NLGN1: variants seen among roughly 807,000 people sequenced by gnomAD.
NLGN1 encodes neuroligin 1.
A neutral mutation model predicts 65.5 loss-of-function variants in NLGN1; 12 were observed. That is an observed-to-expected ratio of 0.18 (90% CI 0.12 to 0.30). The LOEUF is 0.30. Ranked by LOEUF, NLGN1 falls within the 10% of genes least tolerant of loss-of-function variation. The pLI is 1.00. For missense variants in NLGN1, 750 were observed against 1,007.1 expected, an observed-to-expected ratio of 0.74 and a Z score of 3.46; for synonymous variants, 350 against 359.5, an observed-to-expected ratio of 0.97 and a Z score of 0.30.
At chr3:173,713,223 G>A (rs1302618681) in intron 3 of NLGN1, among the ~76,000 whole-genome samples, 1 of 152,076 alleles carries the variant, frequency 6.6e-6, no homozygotes, top group Non-Finnish European at 1.5e-5. Context: ...TGTGAAGTAA[G>A]AATAAAGAAA....
At chr3:173,610,354 T>C (rs1220217892) in intron 3 of NLGN1, among the ~76,000 whole-genome samples, 2 of 151,904 alleles carry the variant, frequency 1.3e-5, no homozygotes, top group Non-Finnish European at 2.9e-5. Context: ...CATGTTTAAT[T>C]TGAGGTGACC....
At chr3:174,229,551 C>T (rs1414238061) in intron 4 of NLGN1, among the ~76,000 whole-genome samples, 3 of 152,036 alleles carry the variant, frequency 2.0e-5, no homozygotes, top group Non-Finnish European at 4.4e-5. Flanking sequence ...TTAATTTGAA[C>T]ATTGTATGCT....
At chr3:174,240,240 C>T (rs1742532548) in intron 4 of NLGN1, among the ~76,000 whole-genome samples, 6 of 151,778 alleles carry the variant, frequency 4.0e-5, no homozygotes, top group Admixed American at 3.9e-4. Flanking sequence ...AAAAAGTTCT[C>T]TTGTAATATA....
At chr3:174,194,848 TTTTTTTC>T (rs1242633897) in intron 4 of NLGN1, among the ~76,000 whole-genome samples, 1 of 137,170 alleles carries the variant, frequency 7.3e-6, no homozygotes, top group Non-Finnish European at 1.6e-5. Flanking sequence ...ATTCAAGATT[TTTTTTTC>T]TTTTTTCTTT....
chr3:174,203,417 A>G (rs954835070), intron 4 of NLGN1, among the ~76,000 whole-genome samples: 3 of 152,172 alleles, frequency 2.0e-5, no homozygotes, highest in African/African-American at 4.8e-5. Flanking sequence ...CCCGTGGTAC[A>G]TTTGTTCTTG....
intron 4 of NLGN1, among the ~76,000 whole-genome samples, chr3:174,011,111 G>C (rs1386666524): frequency 6.6e-6 from 1 of 152,088 alleles, no homozygotes. Context: ...AAAGGTAACT[G>C]TTTCATATCA....
Position 174,001,594 on chromosome 3 carries a change from G to C in NLGN1, c.646+193762G>C, listed in dbSNP as rs77890907. ...CCTGAGTCAAAAGCAGACATATATT[G>C]GTTTATATTCTGCACCCATGCATCT... On this transcript the variant is annotated intron_variant, in intron 4 of 6. Coordinates refer to ENST00000457714, the Ensembl canonical transcript of NLGN1. 6.6e-3 allele frequency among the ~76,000 whole-genome samples: 998 copies of C among 152,190 alleles called. 10 individuals carry two copies. Among genetic ancestry groups the C allele is most frequent in the African/African-American group, 0.023 (957 of 41,518 alleles).
At chr3:173,647,938 G>A (rs1758536056) in intron 3 of NLGN1, among the ~76,000 whole-genome samples, 1 of 152,060 alleles carries the variant, frequency 6.6e-6, no homozygotes, top group African/African-American at 2.4e-5. Flanking sequence ...TTGAACAAAA[G>A]AGGCACTATT....
chr3:174,114,688 A>G (rs143550565), intron 4 of NLGN1, among the ~76,000 whole-genome samples: 55 of 152,244 alleles, frequency 3.6e-4, no homozygotes, highest in African/African-American at 1.2e-3. Context: ...TATTTTATCT[A>G]ACGCTGCATA....
intron 4 of NLGN1, among the ~76,000 whole-genome samples, chr3:174,261,608 A>G (rs1746923919): frequency 7.5e-6 from 1 of 132,830 alleles, no homozygotes; most frequent in Non-Finnish European, 1.6e-5. Context: ...GGTTTTCTAG[A>G]TATACAATCA....
intron 4 of NLGN1, among the ~76,000 whole-genome samples, chr3:174,212,332 C>T (rs1244585896): frequency 6.6e-6 from 1 of 152,206 alleles, no homozygotes; most frequent in Non-Finnish European, 1.5e-5. Flanking sequence ...GTGCGCAGCC[C>T]GGGTTCCCGC....
chr3:173,745,100 G>A (rs1775174216), intron 3 of NLGN1, among the ~76,000 whole-genome samples: 1 of 152,080 alleles, frequency 6.6e-6, no homozygotes, highest in Non-Finnish European at 1.5e-5. Flanking sequence ...TGGCAAACAA[G>A]CACAATGGCA....
intron 2 of NLGN1, among the ~76,000 whole-genome samples, chr3:173,541,102 A>G: frequency 6.6e-6 from 1 of 152,316 alleles, no homozygotes; most frequent in Middle Eastern, 3.4e-3. Flanking sequence ...CACTCTAGGA[A>G]ACAGTATATA....
chr3:174,063,390 A>AAACTC (rs1481128598), intron 4 of NLGN1, among the ~76,000 whole-genome samples: 1 of 152,204 alleles, frequency 6.6e-6, no homozygotes, highest in African/African-American at 2.4e-5. Context: ...ACATCCGTAG[A>AAACTC]AACTCTGATC....
intron 3 of NLGN1, among the ~76,000 whole-genome samples, chr3:173,722,638 G>A (rs1247158260): frequency 6.6e-6 from 1 of 152,136 alleles, no homozygotes; most frequent in Non-Finnish European, 1.5e-5. Flanking sequence ...AGGCACTGCA[G>A]CCACATCAAA....
intron 2 of NLGN1, among the ~76,000 whole-genome samples, chr3:173,497,681 C>G (rs1730261936): frequency 1.3e-5 from 2 of 151,608 alleles, no homozygotes; most frequent in East Asian, 1.9e-4. Context: ...GTTAACTAGT[C>G]AAAACTTCTG....
chr3:173,436,211 T>G (rs1718114067), intron 2 of NLGN1, among the ~76,000 whole-genome samples: 1 of 152,210 alleles, frequency 6.6e-6, no homozygotes, highest in Non-Finnish European at 1.5e-5. Flanking sequence ...ATGACCAGCA[T>G]TAAAAGCAAA....
chr3:173,635,092 T>C (rs1756365846), intron 3 of NLGN1, among the ~76,000 whole-genome samples: 1 of 152,162 alleles, frequency 6.6e-6, no homozygotes. Flanking sequence ...TGAACACTTA[T>C]TTTGTCTAAC....
intron 2 of NLGN1, among the ~76,000 whole-genome samples, chr3:173,453,910 A>G (rs372609441): frequency 3.9e-5 from 6 of 152,140 alleles, no homozygotes; most frequent in East Asian, 3.9e-4. Context: ...TTTTCAATTT[A>G]CTCTGCCCAG....
Sources: gnomAD v4.1 joint callset for allele counts (sites outside exome capture counted in the v4.1 genomes callset) on GRCh38, gnomAD v4.1.1 for gene constraint, MANE v1.5 for transcripts, NCBI Gene and HGNC (gene_info 2026-07-23, HGNC 2026-07-21) for gene names.